The following SPAST variants were observed in gnomAD, a reference collection of about 807,000 sequenced individuals.
SPAST encodes the protein spastin, also known as spastic paraplegia 4 (autosomal dominant; spastin).
SPAST carries 30 observed loss-of-function variants against 76.6 expected under a neutral mutation model. That is an observed-to-expected ratio of 0.39 (90% CI 0.29 to 0.53). The LOEUF (loss-of-function observed/expected upper bound fraction) is 0.53, where lower values mean the gene tolerates loss of function less well. Among genes scored for constraint, SPAST ranks in the 20% least tolerant of loss-of-function variants. The pLI, the probability that SPAST is intolerant of heterozygous loss-of-function variation, is 0.68. For missense variants in SPAST, 717 were observed against 770.5 expected (o/e 0.93, Z 0.82); for synonymous variants, 305 against 281.0 (o/e 1.09, Z -0.86).
At chr2:32,141,427 A>G (rs890584542) in intron 12 of SPAST, among the ~76,000 whole-genome samples, 3 of 152,168 alleles carry the variant, frequency 2.0e-5, no homozygotes, top group Non-Finnish European at 2.9e-5. Context: ...TTGGGAGGAA[A>G]ACTGTACTCT....
At chr2:32,140,585 C>G (rs1468378427) in intron 12 of SPAST, among the ~76,000 whole-genome samples, 1 of 151,590 alleles carries the variant, frequency 6.6e-6, no homozygotes, top group East Asian at 1.9e-4. Context: ...GCACTGTACT[C>G]TAGCCTGGGG....
At position 32,089,621 on chromosome 2, in the gene SPAST, T is replaced by C; in HGVS notation, c.586+16T>C. 7.9e-7 allele frequency: 1 copy of C among 1,258,010 alleles called. No homozygotes were observed. The highest frequency in any genetic ancestry group is 1.2e-5 in the South Asian group (1 of 83,854). 77.9% of individuals were successfully genotyped at this position (1,258,010 alleles called of 1,614,324 possible). On this transcript the variant is annotated intron_variant, in intron 3 of 16. Transcript: ENST00000315285. Reference sequence around the variant, plus strand: ...CAACTTCTAGGTATCAATTAATGTATAATTTGATGTGGGATGTATTGGAAA... The same window carrying C: ...CAACTTCTAGGTATCAATTAATGTACAATTTGATGTGGGATGTATTGGAAA...
intron 1 of SPAST, among the ~76,000 whole-genome samples, chr2:32,082,232 A>G (rs1418029255): frequency 6.7e-6 from 1 of 149,754 alleles, no homozygotes; most frequent in African/African-American, 2.4e-5. Context: ...ACCCCAGGTG[A>G]TCCGCCTGCC....
At chr2:32,133,059 C>A (rs1470739675) in intron 9 of SPAST, among the ~76,000 whole-genome samples, 1 of 140,632 alleles carries the variant, frequency 7.1e-6, no homozygotes, top group African/African-American at 2.6e-5. Context: ...AAAAAAAAAG[C>A]AGCAGCATTG....
In SPAST at chr2:32,122,073, T is replaced by C. The variant is rs192348823; in HGVS notation, c.1099-4875T>C. On this transcript the variant is annotated intron_variant, in intron 7 of 16. Coordinates refer to ENST00000315285, the MANE Select transcript of SPAST (RefSeq NM_014946.4). ...GGACTCTGTGCTGTAAGTAAGTAAA[T>C]TGTTGATAGTGAGAGCCCATTAATC... Among the ~76,000 whole-genome samples, 630 of 152,290 alleles carry C rather than the reference T, an allele frequency of 4.1e-3. 8 individuals carry two copies. Among genetic ancestry groups the C allele is most frequent in the African/African-American group, 0.014 (593 of 41,562 alleles).
At chr2:32,069,214 C>CAAA (rs56319240) in intron 1 of SPAST, among the ~76,000 whole-genome samples, 4 of 114,734 alleles carry the variant, frequency 3.5e-5, no homozygotes, top group Middle Eastern at 9.6e-3. Context: ...CTCCATCTCT[C>CAAA]AAAAAAAAAA....
intron 1 of SPAST, among the ~76,000 whole-genome samples, chr2:32,083,158 G>C (rs1453735328): frequency 6.6e-6 from 1 of 152,006 alleles, no homozygotes; most frequent in East Asian, 1.9e-4. Flanking sequence ...TTTTAGTAGA[G>C]ATGGGATTTC....
At chr2:32,087,964 A>G (rs1423605852) in intron 2 of SPAST, among the ~76,000 whole-genome samples, 5 of 151,494 alleles carry the variant, frequency 3.3e-5, no homozygotes, top group African/African-American at 9.7e-5. Flanking sequence ...GCTCACTGCA[A>G]TCTCCGCCTC....
chr2:32,081,539 T>C (rs1677221715), intron 1 of SPAST, among the ~76,000 whole-genome samples: 1 of 151,942 alleles, frequency 6.6e-6, no homozygotes, highest in Non-Finnish European at 1.5e-5. Flanking sequence ...CTCCACCACT[T>C]TCAGAGTTCA....
At chr2:32,090,052 A>G (rs1212748988) in intron 3 of SPAST, among the ~76,000 whole-genome samples, 2 of 152,202 alleles carry the variant, frequency 1.3e-5, no homozygotes, top group Non-Finnish European at 2.9e-5. Context: ...GCGTGAGCCA[A>G]CGCGCCCAGC....
At chr2:32,143,478 T>C in intron 14 of SPAST, 63 bp downstream of exon 14, 1 of 1,006,388 alleles carries the variant, frequency 9.9e-7, no homozygotes, top group Non-Finnish European at 1.5e-6. Flanking sequence ...TAATTCTTTT[T>C]TTAGTTATTT....
chr2:32,144,635 C>T (rs1206689938), intron 14 of SPAST, among the ~76,000 whole-genome samples: 1 of 152,254 alleles, frequency 6.6e-6, no homozygotes, highest in Non-Finnish European at 1.5e-5. Flanking sequence ...CCTGTAATCT[C>T]ACTACTTTGG....
intron 4 of SPAST, among the ~76,000 whole-genome samples, chr2:32,109,360 C>T (rs1171181152): frequency 6.6e-5 from 10 of 151,856 alleles, no homozygotes; most frequent in East Asian, 1.9e-4. Flanking sequence ...CCACCCGCCT[C>T]GGCCTCTCAA....
chr2:32,131,315 T>C (rs889249671), intron 9 of SPAST, among the ~76,000 whole-genome samples: 1 of 152,182 alleles, frequency 6.6e-6, no homozygotes, highest in Non-Finnish European at 1.5e-5. Flanking sequence ...CTAGCACCAC[T>C]TGCACCTCAT....
At chr2:32,146,630 G>A (rs912351920) in intron 15 of SPAST, among the ~76,000 whole-genome samples, 10 of 151,994 alleles carry the variant, frequency 6.6e-5, no homozygotes, top group African/African-American at 2.4e-4. Context: ...ACTTTGGGAG[G>A]CCAAGATGGG....
At chr2:32,068,302 A>G (rs1383495661) in intron 1 of SPAST, among the ~76,000 whole-genome samples, 1 of 148,830 alleles carries the variant, frequency 6.7e-6, no homozygotes, top group Non-Finnish European at 1.5e-5. Flanking sequence ...TAATGTGGAC[A>G]TCAGAATGGG....
chr2:32,145,001 A>G lies in SPAST; in HGVS notation c.1681A>G (p.Ile561Val), dbSNP rs773010657. Residue 561 changes from isoleucine (I) to valine (V), a missense_variant, in exon 15 of 17, where the codon ATC becomes GTC. This residue lies in a region of SPAST where 96 missense variants were observed against 127.6 expected (regional missense o/e 0.75). Coordinates refer to ENST00000315285, the MANE Select transcript of SPAST (RefSeq NM_014946.4). Reference sequence around the variant, plus strand: ...GGCAAAAGATGCAGCACTGGGTCCTATCCGAGGTAGGTATACAAGAGCTTA... The same window carrying G: ...GGCAAAAGATGCAGCACTGGGTCCTGTCCGAGGTAGGTATACAAGAGCTTA... ...ALAKDAALGP[I>V]RELKPEQVKN... 1 of 1,609,970 alleles carries G rather than the reference A, an allele frequency of 6.2e-7. No homozygotes were observed. Among genetic ancestry groups the G allele is most frequent in the Non-Finnish European group, 8.5e-7 (1 of 1,176,840 alleles).
At chr2:32,139,183 T>A (rs535083234) in intron 12 of SPAST, among the ~76,000 whole-genome samples, 1 of 152,210 alleles carries the variant, frequency 6.6e-6, no homozygotes, top group Middle Eastern at 3.2e-3. Flanking sequence ...TTTTTTCTAA[T>A]TTTGTGAAAA....
intron 16 of SPAST, among the ~76,000 whole-genome samples, chr2:32,153,562 C>T (rs915523432): frequency 2.6e-5 from 4 of 151,722 alleles, no homozygotes; most frequent in African/African-American, 9.7e-5. Context: ...GTGATCCACC[C>T]GCCTTGGCCT....
Sources: gnomAD v4.1 joint callset for allele counts (sites outside exome capture counted in the v4.1 genomes callset) on GRCh38, gnomAD v4.1.1 for gene constraint, gnomAD v4.1.1 regional missense constraint, MANE v1.5 for transcripts, NCBI Gene and HGNC (gene_info 2026-07-23, HGNC 2026-07-21) for gene names.